Variants in PAH observed in about 807,000 individuals in gnomAD.
PAH encodes the protein phenylalanine hydroxylase.
PAH carries 64 observed loss-of-function variants against 62.0 expected under a neutral mutation model. The ratio of observed to expected loss-of-function variants is 1.03; its 90% CI spans 0.84 to 1.27. PAH has a LOEUF of 1.27. Among genes scored for constraint, PAH ranks in the 50% most tolerant of loss-of-function variants. The pLI is 0.00. For synonymous variants in PAH, 195 were observed against 196.2 expected (o/e 0.99, Z 0.05); for missense variants, 579 against 542.8 (o/e 1.07, Z -0.66).
intron 1 of PAH, among the ~76,000 whole-genome samples, chr12:102,937,817 AT>A (rs1879155730): frequency 6.6e-6 from 1 of 152,294 alleles, no homozygotes; most frequent in Admixed American, 6.5e-5. Context: ...TTTCTTTCAG[AT>A]TAAAAAACTC....
chr12:102,919,098 A>G (rs190993879), upstream of PAH, among the ~76,000 whole-genome samples: 3 of 152,268 alleles, frequency 2.0e-5, no homozygotes, highest in East Asian at 5.8e-4. Flanking sequence ...CTCCCTTTTA[A>G]TAGGCAAGAA....
intron 1 of PAH, among the ~76,000 whole-genome samples, chr12:102,924,669 A>T (rs1260909608): frequency 6.6e-6 from 1 of 152,172 alleles, no homozygotes; most frequent in Non-Finnish European, 1.5e-5. Flanking sequence ...AGGTAAAGAT[A>T]ATGCCTATCT....
intron 4 of PAH, among the ~76,000 whole-genome samples, chr12:102,868,077 T>G (rs1876096653): frequency 1.3e-5 from 1 of 78,114 alleles, no homozygotes; most frequent in Non-Finnish European, 2.5e-5. Context: ...TATATACATA[T>G]ATGTGTGTGT....
At chr12:102,908,197 C>T (rs1878054823) in intron 2 of PAH, among the ~76,000 whole-genome samples, 1 of 150,716 alleles carries the variant, frequency 6.6e-6, no homozygotes, top group Admixed American at 6.7e-5. Flanking sequence ...ATGCGCCCCC[C>T]TCCCTACCAC....
At chr12:102,949,110 A>G (rs948821700) in intron 1 of PAH, among the ~76,000 whole-genome samples, 2 of 152,158 alleles carry the variant, frequency 1.3e-5, no homozygotes, top group Non-Finnish European at 2.9e-5. Flanking sequence ...ACTGCCCAGG[A>G]GTAGAGGAGA....
chr12:102,896,735 T>A (rs967078028), intron 2 of PAH, among the ~76,000 whole-genome samples: 4 of 152,202 alleles, frequency 2.6e-5, no homozygotes, highest in African/African-American at 4.8e-5. Context: ...CAGATTTGAC[T>A]ATTACTCTGT....
chr12:102,929,291 T>G (rs1332821899), intron 1 of PAH, among the ~76,000 whole-genome samples: 1 of 152,216 alleles, frequency 6.6e-6, no homozygotes, highest in East Asian at 1.9e-4. Flanking sequence ...ATTTGTAATC[T>G]TAACAAGTGT....
chr12:102,843,783 T>G lies in PAH; in HGVS notation c.1066-4A>C. The G allele has an allele frequency of 6.2e-7, 1 of 1,613,296 alleles. No individual in the cohort carries two copies. Among genetic ancestry groups the G allele is most frequent in the Non-Finnish European group, 8.5e-7 (1 of 1,179,526 alleles). On this transcript the variant is annotated splice_region_variant and splice_polypyrimidine_tract_variant and intron_variant, in intron 10 of 12. Coordinates refer to ENST00000553106, the MANE Select transcript of PAH (RefSeq NM_000277.3). ...TTGGCTTCTCTGATAAGCAGTACTG[T>G]AGGCCCCAAGTGAAAAGTTATTATC...
chr12:102,930,227 T>C (rs1878811154), intron 1 of PAH, among the ~76,000 whole-genome samples: 1 of 152,224 alleles, frequency 6.6e-6, no homozygotes, highest in South Asian at 2.1e-4. Context: ...TCATTCAGTA[T>C]GTGTTTACCA....
chr12:102,957,352 A>T lies in PAH; in HGVS notation c.-96+843T>A, dbSNP rs1879947126. On this transcript the variant is annotated intron_variant, in intron 1 of 4. Transcript: ENST00000551337. This position sits in a 1 kb window ranked among gnomAD's most constrained non-coding sequence, Gnocchi z 4.1. ...GTGACGCCCCCCACCCCCTTCCTAA[A>T]GCCACCCCCGGCAGCAGCCCGCCCC... Among the ~76,000 whole-genome samples the T allele has an allele frequency of 6.6e-6, 1 of 151,932 alleles. No homozygotes were observed. The highest frequency in any genetic ancestry group is 2.4e-5 in the African/African-American group (1 of 41,358).
intron 11 of PAH, among the ~76,000 whole-genome samples, chr12:102,840,757 C>A (rs1047754555): frequency 1.3e-5 from 2 of 152,060 alleles, no homozygotes. Flanking sequence ...AGTCCCCTGG[C>A]TCCAAGAAGA....
chr12:102,844,254 T>C, intron 10 of PAH, 82 bp downstream of exon 10: 2 of 972,784 alleles, frequency 2.1e-6, no homozygotes. Flanking sequence ...ACAAATAGGG[T>C]TTCAACAATA....
Position 102,849,579 on chromosome 12 carries a change from T to C in PAH, c.912+2108A>G, listed in dbSNP as rs7958750. ...AGAAGCTACATGGTCTGCATCTCTA[T>C]ATCACTCCCTGGGCCAAGTCCAGAG... is the stretch of plus-strand genomic sequence containing the variant. On this transcript the variant is annotated intron_variant, in intron 8 of 12. Transcript: ENST00000553106. 4.3e-3 allele frequency among the ~76,000 whole-genome samples: 660 copies of C among 152,318 alleles called. 4 individuals are homozygous for C. The highest frequency in any genetic ancestry group is 0.015 in the African/African-American group (633 of 41,566).
In PAH at chr12:102,939,351, C is replaced by T. The variant is rs116917468; in HGVS notation, c.-96+11238G>A. Among the ~76,000 whole-genome samples, 18 of 152,334 alleles carry T rather than the reference C, an allele frequency of 1.2e-4. No individual in the cohort carries two copies. The East Asian group carries it at 3.5e-3, about 29-fold the overall frequency. On this transcript the variant is annotated intron_variant, in intron 1 of 3. Transcript: ENST00000546844. ...TATGGAAAAGAGGCCAGACTGTCTT[C>T]CCCCAGAGCCCTCTACACACCTTTT...
intron 2 of PAH, among the ~76,000 whole-genome samples, chr12:102,911,267 T>C (rs117304853): frequency 0.026 from 3,906 of 152,216 alleles, 56 homozygotes; most frequent in Non-Finnish European, 0.038. Context: ...TAAAGTTATA[T>C]ATTTTAGTAC....
chr12:102,932,633 T>C (rs150511737), intron 1 of PAH, among the ~76,000 whole-genome samples: 1 of 152,310 alleles, frequency 6.6e-6, no homozygotes, highest in African/African-American at 2.4e-5. Flanking sequence ...TACCACCAAC[T>C]CAATTCACTT....
At chr12:102,879,833 C>G (rs1435302750) in intron 3 of PAH, among the ~76,000 whole-genome samples, 1 of 152,144 alleles carries the variant, frequency 6.6e-6, no homozygotes, top group African/African-American at 2.4e-5. Flanking sequence ...GCCAGATTTC[C>G]TGCCCAGAAG....
chr12:102,905,514 A>T (rs1240805928), intron 2 of PAH, among the ~76,000 whole-genome samples: 1 of 152,180 alleles, frequency 6.6e-6, no homozygotes, highest in Middle Eastern at 3.4e-3. Flanking sequence ...TCTCATAACA[A>T]TTGGTTTTTC....
intron 1 of PAH, among the ~76,000 whole-genome samples, chr12:102,930,529 C>A (rs777246786): frequency 2.6e-5 from 4 of 152,136 alleles, no homozygotes; most frequent in Non-Finnish European, 4.4e-5. Context: ...GATGAAAATT[C>A]ATTTGTGTAT....
Sources: gnomAD v4.1 joint callset for allele counts (sites outside exome capture counted in the v4.1 genomes callset) on GRCh38, gnomAD v4.1.1 for gene constraint, Gnocchi (gnomAD v3.1) non-coding constraint, MANE v1.5 for transcripts, NCBI Gene and HGNC (gene_info 2026-07-23, HGNC 2026-07-21) for gene names.